The following PRKG1 variants were observed in gnomAD, a reference collection of about 807,000 sequenced individuals.
The protein encoded by PRKG1 is protein kinase cGMP-dependent 1, also known as cGMP-dependent protein kinase 1.
In PRKG1, 35 loss-of-function variants were observed where a neutral mutation model predicts 88.1. The observed-to-expected ratio is 0.40, with a 90% CI of 0.30 to 0.53. The LOEUF is 0.53. Ranked by LOEUF, PRKG1 falls within the 20% of genes least tolerant of loss-of-function variation. The pLI is 0.59. For missense variants in PRKG1, 540 were observed against 839.8 expected (o/e 0.64, Z 4.41); for synonymous variants, 303 against 292.5 (o/e 1.04, Z -0.37).
intron 9 of PRKG1, among the ~76,000 whole-genome samples, chr10:52,184,237 G>A (rs1426168192): frequency 6.6e-6 from 1 of 152,138 alleles, no homozygotes; most frequent in Non-Finnish European, 1.5e-5. Context: ...TATTATTCAA[G>A]CACATAATAC....
intron 4 of PRKG1, among the ~76,000 whole-genome samples, chr10:51,854,852 T>C (rs1425420659): frequency 1.3e-5 from 2 of 151,906 alleles, no homozygotes; most frequent in African/African-American, 4.8e-5. Flanking sequence ...GCAAAAAATG[T>C]GCAAAAAATA....
intron 16 of PRKG1, 37 bp from the exon 17 acceptor site, chr10:52,290,187 C>T: frequency 1.3e-6 from 2 of 1,581,384 alleles, no homozygotes; most frequent in Non-Finnish European, 1.7e-6. Context: ...TTTTAGCTGA[C>T]ACAAAATGTT....
intron 5 of PRKG1, among the ~76,000 whole-genome samples, chr10:51,991,576 T>C (rs374690446): frequency 6.6e-6 from 1 of 152,144 alleles, no homozygotes; most frequent in East Asian, 1.9e-4. Flanking sequence ...TTCCCCTTCC[T>C]GGGTCCAACG....
chr10:51,461,426 A>T (rs997130475), intron 2 of PRKG1, among the ~76,000 whole-genome samples: 5 of 152,214 alleles, frequency 3.3e-5, no homozygotes, highest in African/African-American at 1.2e-4. Flanking sequence ...TTAGAAAAAA[A>T]ACCTAATACA....
chr10:51,733,703 T>C (rs911944111), intron 3 of PRKG1, among the ~76,000 whole-genome samples: 26 of 152,196 alleles, frequency 1.7e-4, no homozygotes, highest in African/African-American at 5.5e-4. Context: ...AGCAAATCAA[T>C]ACTGAGCTCG....
At chr10:51,627,377 A>T (rs1332706664) in intron 3 of PRKG1, among the ~76,000 whole-genome samples, 1 of 152,174 alleles carries the variant, frequency 6.6e-6, no homozygotes, top group Non-Finnish European at 1.5e-5. Context: ...CAGGTTGCTT[A>T]ACAGAGTACA....
intron 3 of PRKG1, among the ~76,000 whole-genome samples, chr10:51,561,524 G>A (rs1429219248): frequency 6.6e-6 from 1 of 152,024 alleles, no homozygotes; most frequent in African/African-American, 2.4e-5. Flanking sequence ...GCCCTTCCAT[G>A]TTTGTTTCTA....
chr10:51,457,589 C>T (rs1839622950), intron 2 of PRKG1, among the ~76,000 whole-genome samples: 2 of 152,060 alleles, frequency 1.3e-5, no homozygotes, highest in Non-Finnish European at 2.9e-5. Flanking sequence ...GATAAAATAC[C>T]AAAAATAAAC....
At chr10:51,004,220 T>C (rs912942614) in intron 1 of PRKG1, among the ~76,000 whole-genome samples, 3 of 152,152 alleles carry the variant, frequency 2.0e-5, no homozygotes, top group African/African-American at 7.2e-5. Context: ...TACCAGCACT[T>C]TGGGAGGCCA....
intron 2 of PRKG1, among the ~76,000 whole-genome samples, chr10:51,397,954 A>G (rs940476505): frequency 2.0e-5 from 3 of 152,196 alleles, no homozygotes; most frequent in Non-Finnish European, 4.4e-5. Context: ...TGTGCCTTCT[A>G]TTGGCAGCAG....
At chr10:51,679,298 C>CTCTTTCTT (rs377590577) in intron 3 of PRKG1, among the ~76,000 whole-genome samples, 2 of 151,954 alleles carry the variant, frequency 1.3e-5, no homozygotes, top group African/African-American at 4.8e-5. Flanking sequence ...CTCTGTTTTC[C>CTCTTTCTT]TCTTTCTTTC....
At chr10:52,270,516 T>G (rs12411738) in intron 10 of PRKG1, among the ~76,000 whole-genome samples, 4,026 of 152,062 alleles carry the variant, frequency 0.026, 282 homozygotes, top group East Asian at 0.24. Context: ...GTGGCACATA[T>G]ACACCATGGA....
intron 4 of PRKG1, among the ~76,000 whole-genome samples, chr10:51,815,382 G>C (rs369596674): frequency 3.6e-4 from 55 of 152,266 alleles, no homozygotes; most frequent in African/African-American, 1.2e-3. Flanking sequence ...CAAATTCAGA[G>C]AGAATCCATG....
chr10:51,629,818 T>A (rs1268281406), intron 3 of PRKG1, among the ~76,000 whole-genome samples: 2 of 152,264 alleles, frequency 1.3e-5, no homozygotes, highest in Admixed American at 1.3e-4. Flanking sequence ...GGAGTAATAC[T>A]CAAACTCTTT....
At position 51,421,534 on chromosome 10, in the gene PRKG1, A is replaced by G. The variant is rs570973572; in HGVS notation, c.479-46189A>G. ...CCAGGTCAACCCTGCCTGGAGAGAC[A>G]CTTTCCCCAGTTCCTCGTTTTTCTT... On this transcript the variant is annotated intron_variant, in intron 2 of 17. Coordinates refer to ENST00000373980, the MANE Select transcript of PRKG1 (RefSeq NM_006258.4). Among the ~76,000 whole-genome samples the G allele has an allele frequency of 5.9e-5, 9 of 152,126 alleles. No homozygotes were observed. In the South Asian group the frequency reaches 1.9e-3, roughly 32 times the overall value.
At chr10:51,506,940 A>G (rs1189957400) in intron 3 of PRKG1, among the ~76,000 whole-genome samples, 4 of 152,122 alleles carry the variant, frequency 2.6e-5, no homozygotes. Context: ...AGAAAATATG[A>G]CACATATTCA....
chr10:51,725,699 T>C (rs1043904793), intron 3 of PRKG1, among the ~76,000 whole-genome samples: 2 of 151,708 alleles, frequency 1.3e-5, no homozygotes, highest in Non-Finnish European at 2.9e-5. Flanking sequence ...AGTGGCATGC[T>C]CTCGGCTCAC....
At chr10:51,146,819 A>G (rs544620913) in intron 1 of PRKG1, among the ~76,000 whole-genome samples, 1 of 152,304 alleles carries the variant, frequency 6.6e-6, no homozygotes, top group East Asian at 1.9e-4. Context: ...AAAGAAAATC[A>G]GTATATCAAA....
chr10:51,290,653 T>C (rs1324449588), intron 2 of PRKG1, among the ~76,000 whole-genome samples: 8 of 152,158 alleles, frequency 5.3e-5, no homozygotes, highest in Non-Finnish European at 1.2e-4. Context: ...TTAAAATAAA[T>C]TAAGATTGTG....
Sources: allele counts gnomAD v4.1 joint callset (sites outside exome capture counted in the v4.1 genomes callset), GRCh38; gene constraint gnomAD v4.1.1; transcripts MANE v1.5; gene names NCBI Gene and HGNC (gene_info 2026-07-23, HGNC 2026-07-21).